The following ARID2 variants were observed in gnomAD, a reference collection of about 807,000 sequenced individuals.
ARID2 encodes AT-rich interactive domain-containing protein 2.
A neutral mutation model predicts 184.6 loss-of-function variants in ARID2; 32 were observed. That is an observed-to-expected ratio of 0.17 (90% CI 0.13 to 0.23). The LOEUF (loss-of-function observed/expected upper bound fraction) is 0.23, where lower values mean the gene tolerates loss of function less well. ARID2 is among the 10% of genes least tolerant of loss of function. The probability of loss-of-function intolerance (pLI) is 1.00; values close to 1 mark genes in which losing one functional copy is unlikely to be tolerated. For missense variants in ARID2, 1,696 were observed against 2,197.6 expected, an observed-to-expected ratio of 0.77 and a Z score of 4.56; for synonymous variants, 836 against 772.6, an observed-to-expected ratio of 1.08 and a Z score of -1.36.
At chr12:45,811,199 ACT>A (rs1258878228) in intron 3 of ARID2, among the ~76,000 whole-genome samples, 1 of 144,282 alleles carries the variant, frequency 6.9e-6, no homozygotes, top group East Asian at 2.1e-4. Context: ...ACAGAGCGAG[ACT>A]CTGTCTCAAA....
intron 3 of ARID2, among the ~76,000 whole-genome samples, chr12:45,742,046 C>G (rs533306290): frequency 1.3e-5 from 2 of 152,154 alleles, no homozygotes; most frequent in African/African-American, 4.8e-5. Flanking sequence ...TATATATGTT[C>G]ATCTTCTCAG....
chr12:45,732,072 T>G (rs1245130510), intron 3 of ARID2, among the ~76,000 whole-genome samples: 1 of 138,486 alleles, frequency 7.2e-6, no homozygotes, highest in Non-Finnish European at 1.6e-5. Context: ...TGATTTAGCG[T>G]TTTTTTTTTT....
intron 3 of ARID2, among the ~76,000 whole-genome samples, chr12:45,752,458 A>G (rs1262619337): frequency 6.6e-6 from 1 of 152,182 alleles, no homozygotes; most frequent in African/African-American, 2.4e-5. Flanking sequence ...GGATTCAATG[A>G]TTTATGTTTA....
chr12:45,794,450 A>C (rs543553798), intron 3 of ARID2, among the ~76,000 whole-genome samples: 7 of 152,298 alleles, frequency 4.6e-5, no homozygotes, highest in Non-Finnish European at 1.0e-4. Flanking sequence ...ATTTCTAATA[A>C]ATTTTGAAGG....
At chr12:45,752,669 T>TA (rs1451972429) in intron 3 of ARID2, among the ~76,000 whole-genome samples, 1 of 152,184 alleles carries the variant, frequency 6.6e-6, no homozygotes, top group Non-Finnish European at 1.5e-5. Context: ...CTCAGACTCA[T>TA]ACCACCACAC....
intron 6 of ARID2, among the ~76,000 whole-genome samples, chr12:45,828,914 C>T (rs1293121896): frequency 6.6e-6 from 1 of 151,906 alleles, no homozygotes; most frequent in Non-Finnish European, 1.5e-5. Flanking sequence ...GATGAACTTA[C>T]ATAACTTAAT....
At chr12:45,871,952 T>C (rs1040506041) in intron 16 of ARID2, among the ~76,000 whole-genome samples, 11 of 152,300 alleles carry the variant, frequency 7.2e-5, no homozygotes, top group Non-Finnish European at 1.5e-4. Flanking sequence ...GGATTGGTAG[T>C]AATGGTCCCT....
Position 45,821,494 on chromosome 12 carries a change from C to T in ARID2, c.705+7C>T. ...TGATAGAGACTTCGTTAAGGTAAAT[C>T]ATTTTAATTAAAATGTTGATTCATT... On this transcript the variant is annotated splice_region_variant and intron_variant, in intron 6 of 20. Transcript: ENST00000334344. The T allele has an allele frequency of 6.8e-7, 1 of 1,473,092 alleles. No individual in the cohort carries two copies. The highest frequency in any genetic ancestry group is 9.0e-7 in the Non-Finnish European group (1 of 1,110,658). The allele number at this position is 1,473,092 out of a possible 1,614,324, so 91.3% of individuals were successfully genotyped here.
intron 16 of ARID2, among the ~76,000 whole-genome samples, chr12:45,867,830 A>T (rs902350795): frequency 6.6e-5 from 10 of 151,722 alleles, no homozygotes; most frequent in South Asian, 6.3e-4. Context: ...GTCTCAAGCA[A>T]TTCTCCCACC....
intron 15 of ARID2, among the ~76,000 whole-genome samples, chr12:45,858,050 G>T (rs965766148): frequency 6.6e-6 from 1 of 152,170 alleles, no homozygotes; most frequent in Non-Finnish European, 1.5e-5. Context: ...ATGAGCCACC[G>T]TGCCTGGCCT....
Position 45,738,615 on chromosome 12 carries a change from G to A in ARID2, c.284+7301G>A, listed in dbSNP as rs1281197968. 3.3e-5 allele frequency among the ~76,000 whole-genome samples: 5 copies of A among 151,930 alleles called. No individual in the cohort carries two copies. In the East Asian group the frequency reaches 5.8e-4, roughly 18 times the overall value. The stretch of plus-strand genomic sequence containing the variant: ...CATGAGCCACTGCACCCGGCTGGCC[G>A]GAGATTTTATTTTTATCATTTCAAA... On this transcript the variant is annotated intron_variant, in intron 3 of 20. Coordinates refer to ENST00000334344, the MANE Select transcript of ARID2 (RefSeq NM_152641.4).
intron 3 of ARID2, among the ~76,000 whole-genome samples, chr12:45,806,994 C>T (rs1942614109): frequency 6.6e-6 from 1 of 152,134 alleles, no homozygotes; most frequent in Admixed American, 6.5e-5. Flanking sequence ...TGAAACACAC[C>T]ATCACTTTCT....
chr12:45,849,854 T>A (rs1943509677), intron 14 of ARID2, 78 bp downstream of exon 14: 1 of 1,449,652 alleles, frequency 6.9e-7, no homozygotes, highest in Admixed American at 2.1e-5. Flanking sequence ...TTCTATGCAT[T>A]TTAAATGTAT....
chr12:45,819,567 A>G (rs1229030344), intron 5 of ARID2, among the ~76,000 whole-genome samples: 1 of 152,196 alleles, frequency 6.6e-6, no homozygotes, highest in Non-Finnish European at 1.5e-5. Flanking sequence ...TTTAATTGAG[A>G]GAGAAATATA....
intron 6 of ARID2, among the ~76,000 whole-genome samples, chr12:45,830,070 A>G (rs905964934): frequency 1.3e-5 from 2 of 149,268 alleles, no homozygotes; most frequent in Non-Finnish European, 3.0e-5. Context: ...TTTGAATTAT[A>G]TAAATATATA....
intron 3 of ARID2, among the ~76,000 whole-genome samples, chr12:45,737,025 T>A (rs1436318872): frequency 6.6e-6 from 1 of 152,238 alleles, no homozygotes; most frequent in African/African-American, 2.4e-5. Context: ...TATAATGTGA[T>A]AAAAGAAATA....
Position 45,730,038 on chromosome 12 carries a change from C to A in ARID2, c.93-6C>A. 3 of 1,612,946 alleles carry A rather than the reference C, an allele frequency of 1.9e-6. No individual in the cohort carries two copies. Among genetic ancestry groups the A allele is most frequent in the Non-Finnish European group, 1.7e-6 (2 of 1,179,598 alleles). On this transcript the variant is annotated splice_polypyrimidine_tract_variant and splice_region_variant and intron_variant, in intron 1 of 20. Coordinates refer to ENST00000334344, the MANE Select transcript of ARID2 (RefSeq NM_152641.4). ...TGACAAGTGCGGGGCTTTTTCTCTC[C>A]CGCAGGTCGCCTTTTAAAAAAATCC...
At chr12:45,732,298 C>T (rs563039441) in intron 3 of ARID2, among the ~76,000 whole-genome samples, 7 of 152,252 alleles carry the variant, frequency 4.6e-5, no homozygotes, top group African/African-American at 1.7e-4. Flanking sequence ...TTTATTATTG[C>T]TTCAGATGCA....
chr12:45,743,311 G>A (rs1007702404), intron 3 of ARID2, among the ~76,000 whole-genome samples: 2 of 152,140 alleles, frequency 1.3e-5, no homozygotes, highest in Non-Finnish European at 2.9e-5. Context: ...GGAGGTTGTG[G>A]TGAGCTGAGA....
Sources: gnomAD v4.1 joint callset for allele counts (sites outside exome capture counted in the v4.1 genomes callset) on GRCh38, gnomAD v4.1.1 for gene constraint, MANE v1.5 for transcripts, NCBI Gene and HGNC (gene_info 2026-07-23, HGNC 2026-07-21) for gene names.